Variants in GRHL2 observed in about 807,000 individuals in gnomAD.
GRHL2 encodes grainyhead-like protein 2 homolog.
A neutral mutation model predicts 83.8 loss-of-function variants in GRHL2; 21 were observed. The ratio of observed to expected loss-of-function variants is 0.25; its 90% CI spans 0.18 to 0.36. GRHL2 has a LOEUF of 0.36. Ranked by LOEUF, GRHL2 falls within the 10% of genes least tolerant of loss-of-function variation. GRHL2 has a pLI of 1.00. For synonymous variants in GRHL2, 280 were observed against 278.9 expected (o/e 1.00, Z -0.04); for missense variants, 623 against 781.8 (o/e 0.80, Z 2.42).
intron 8 of GRHL2, among the ~76,000 whole-genome samples, chr8:101,608,286 G>A (rs1461293545): frequency 1.3e-5 from 2 of 152,246 alleles, no homozygotes; most frequent in African/African-American, 4.8e-5. Context: ...GTCTGGTTCT[G>A]AAGCATGTGC....
intron 1 of GRHL2, among the ~76,000 whole-genome samples, chr8:101,515,029 C>CCTTCCTTCCTTCCATCCTTCCTTT (rs1810542224): frequency 6.7e-6 from 1 of 149,906 alleles, no homozygotes; most frequent in African/African-American, 2.5e-5. Flanking sequence ...CATTTTCCTT[C>CCTTCCTTCCTTCCATCCTTCCTTT]CTTCCTTCCT....
At chr8:101,663,737 T>C (rs1813979257) in intron 14 of GRHL2, among the ~76,000 whole-genome samples, 1 of 152,158 alleles carries the variant, frequency 6.6e-6, no homozygotes. Flanking sequence ...TCCAATTATT[T>C]TTCTTCCGTG....
intron 12 of GRHL2, among the ~76,000 whole-genome samples, chr8:101,641,621 G>T (rs1205249064): frequency 6.6e-6 from 1 of 152,110 alleles, no homozygotes; most frequent in African/African-American, 2.4e-5. Flanking sequence ...TCCCTGAGTT[G>T]ATCCTACAAG....
rs565841245 is a variant in GRHL2 at position 101,630,434 on chromosome 8, T to C, written c.1258-1203T>C. Among the ~76,000 whole-genome samples, 9 of 152,364 alleles carry C rather than the reference T, an allele frequency of 5.9e-5. 1 individual carries two copies. The South Asian group carries it at 1.9e-3, about 32-fold the overall frequency. On this transcript the variant is annotated intron_variant, in intron 9 of 15. Transcript: ENST00000646743. ...TGAACCATTATTTATATATTAAGGA[T>C]TTGATATTTTATGTGATATTTTATT... is the stretch of plus-strand genomic sequence containing the variant.
chr8:101,609,386 G>C (rs1812703313), intron 8 of GRHL2, among the ~76,000 whole-genome samples: 1 of 150,916 alleles, frequency 6.6e-6, no homozygotes, highest in South Asian at 2.1e-4. Context: ...AGAAACTCTG[G>C]GGGTGAGGCC....
At chr8:101,526,939 T>C (rs1192620037) in intron 1 of GRHL2, among the ~76,000 whole-genome samples, 1 of 152,156 alleles carries the variant, frequency 6.6e-6, no homozygotes, top group East Asian at 1.9e-4. Flanking sequence ...TATTTGCTTG[T>C]TTGTTTGCTT....
chr8:101,661,986 C>T (rs1223360174), intron 14 of GRHL2, among the ~76,000 whole-genome samples: 1 of 152,178 alleles, frequency 6.6e-6, no homozygotes, highest in African/African-American at 2.4e-5. Flanking sequence ...TTGCTTTGCG[C>T]TTTGAAATTG....
At chr8:101,568,199 C>T (rs1227920004) in intron 4 of GRHL2, among the ~76,000 whole-genome samples, 2 of 152,216 alleles carry the variant, frequency 1.3e-5, no homozygotes, top group Non-Finnish European at 2.9e-5. Context: ...TTATTTCAGT[C>T]TAATCCACTT....
the GRHL2 span, among the ~76,000 whole-genome samples, chr8:101,675,648 A>G: frequency 1.3e-5 from 2 of 152,202 alleles, no homozygotes; most frequent in African/African-American, 4.8e-5. Flanking sequence ...GGTAATTTAT[A>G]GACTCAACGC....
At chr8:101,674,543 C>A (rs555410049), downstream of GRHL2, among the ~76,000 whole-genome samples, 38 of 152,176 alleles carry the variant, frequency 2.5e-4, no homozygotes, top group Admixed American at 1.0e-3. Context: ...CAATAACAGG[C>A]TCTGAAATTG....
At chr8:101,634,654 C>T (rs557024460) in intron 11 of GRHL2, among the ~76,000 whole-genome samples, 2 of 152,160 alleles carry the variant, frequency 1.3e-5, no homozygotes, top group African/African-American at 2.4e-5. Flanking sequence ...TGCACAACTG[C>T]GGGGCCAGCA....
chr8:101,591,976 C>T (rs975031777), intron 7 of GRHL2, among the ~76,000 whole-genome samples: 2 of 152,102 alleles, frequency 1.3e-5, no homozygotes, highest in African/African-American at 4.8e-5. Flanking sequence ...CCTGTCCTCC[C>T]ATATTGGTAT....
rs780295429 is a variant in GRHL2, at chr8:101,558,751, A to T, written c.617A>T (p.Asp206Val). ...SLATHSAYLK[D>V]DQRSTPDSTY... ...GCCACCCACAGCGCCTATCTCAAAG[A>T]CGACCAGCGCAGCACTCCGGACAGC... Residue 206 changes from aspartate (D) to valine (V), a missense_variant, in exon 4 of 16, where the codon GAC becomes GTC. This residue lies in a region of GRHL2 where 239 missense variants were observed against 240.5 expected (regional missense o/e 0.99). Transcript: ENST00000646743. 1.9e-6 allele frequency: 3 copies of T among 1,614,120 alleles called. No individual in the cohort carries two copies. The highest frequency in any genetic ancestry group is 2.5e-6 in the Non-Finnish European group (3 of 1,180,012).
intron 14 of GRHL2, among the ~76,000 whole-genome samples, chr8:101,650,110 C>T (rs1009454195): frequency 6.6e-6 from 1 of 152,206 alleles, no homozygotes; most frequent in Non-Finnish European, 1.5e-5. Flanking sequence ...GGACCACTGC[C>T]CCATACAACT....
At chr8:101,529,042 G>T in intron 1 of GRHL2, 1 of 382,572 alleles carries the variant, frequency 2.6e-6, no homozygotes, top group Admixed American at 3.2e-5. Context: ...TTTCTTCTCT[G>T]CTTCCACGTC....
intron 1 of GRHL2, among the ~76,000 whole-genome samples, chr8:101,538,188 G>A (rs73701922): frequency 0.014 from 2,140 of 152,280 alleles, 48 homozygotes; most frequent in African/African-American, 0.05. Context: ...TTTAGACGGG[G>A]AAAATGTTAT....
chr8:101,553,749 T>G (rs1811435073), intron 3 of GRHL2, among the ~76,000 whole-genome samples: 1 of 150,226 alleles, frequency 6.7e-6, no homozygotes, highest in Non-Finnish European at 1.5e-5. Context: ...TGCCTCAGCA[T>G]CCTGAGTAGC....
chr8:101,607,058 G>C (rs752591699), intron 8 of GRHL2, among the ~76,000 whole-genome samples: 17 of 152,144 alleles, frequency 1.1e-4, no homozygotes, highest in Non-Finnish European at 2.2e-4. Flanking sequence ...CCAAATCATG[G>C]CAAATCCATC....
intron 8 of GRHL2, among the ~76,000 whole-genome samples, chr8:101,602,324 G>C (rs1266599034): frequency 1.3e-5 from 2 of 152,242 alleles, no homozygotes; most frequent in African/African-American, 4.8e-5. Context: ...TGTTTGTGAT[G>C]TTCATGTTGT....
Sources: allele counts gnomAD v4.1 joint callset (sites outside exome capture counted in the v4.1 genomes callset), GRCh38; gene constraint gnomAD v4.1.1; regional missense constraint gnomAD v4.1.1; transcripts MANE v1.5; gene names NCBI Gene and HGNC (gene_info 2026-07-23, HGNC 2026-07-21).